Variants in GRIN3A observed in about 807,000 individuals in gnomAD.
GRIN3A encodes glutamate ionotropic receptor NMDA type subunit 3A, also known as glutamate receptor ionotropic, NMDA 3A.
A neutral mutation model predicts 92.4 loss-of-function variants in GRIN3A; 47 were observed. That is an observed-to-expected ratio of 0.51 (90% CI 0.40 to 0.65). The LOEUF is 0.65. GRIN3A is among the 30% of genes least tolerant of loss of function. GRIN3A has a pLI of 0.00. For synonymous variants in GRIN3A, 527 were observed against 540.6 expected, an observed-to-expected ratio of 0.97 and a Z score of 0.35; for missense variants, 1,324 against 1,393.1, an observed-to-expected ratio of 0.95 and a Z score of 0.79.
chr9:101,677,717 TATG>T (rs1374353626), intron 2 of GRIN3A, among the ~76,000 whole-genome samples: 3 of 152,260 alleles, frequency 2.0e-5, no homozygotes, highest in Non-Finnish European at 4.4e-5. Flanking sequence ...GCCTTCCTTT[TATG>T]ATAACATGAA....
At chr9:101,577,511 A>G (rs1025259394) in intron 8 of GRIN3A, among the ~76,000 whole-genome samples, 1 of 152,226 alleles carries the variant, frequency 6.6e-6, no homozygotes, top group African/African-American at 2.4e-5. Flanking sequence ...AAAGTAACAC[A>G]TATCATAAGT....
chr9:101,736,353 C>T lies in GRIN3A; in HGVS notation c.699+928G>A, dbSNP rs554334222. ...AAAGTAACATATAAAAGGCAGAAAA[C>T]TCATTACTAAATAAGGACTCTGTCT... On this transcript the variant is annotated intron_variant, in intron 1 of 8. Coordinates refer to ENST00000361820, the MANE Select transcript of GRIN3A (RefSeq NM_133445.3). Among the ~76,000 whole-genome samples the T allele has an allele frequency of 2.0e-5, 3 of 152,340 alleles. No individual in the cohort carries two copies. The South Asian group carries it at 6.2e-4, about 32-fold the overall frequency.
chr9:101,641,131 A>G (rs545216137), intron 3 of GRIN3A, among the ~76,000 whole-genome samples: 1 of 152,306 alleles, frequency 6.6e-6, no homozygotes, highest in East Asian at 1.9e-4. Flanking sequence ...TAAAAAGTTG[A>G]AACAACAGGT....
At chr9:101,587,529 G>A (rs886515754) in intron 6 of GRIN3A, among the ~76,000 whole-genome samples, 2 of 152,070 alleles carry the variant, frequency 1.3e-5, no homozygotes, top group Non-Finnish European at 2.9e-5. Flanking sequence ...GTCTCCAGCA[G>A]CCTAGTATAT....
chr9:101,723,216 G>A lies in GRIN3A; in HGVS notation c.699+14065C>T, dbSNP rs527939897. Among the ~76,000 whole-genome samples, 5 of 152,284 alleles carry A rather than the reference G, an allele frequency of 3.3e-5. No homozygotes were observed. In the South Asian group the frequency reaches 6.2e-4, roughly 19 times the overall value. On this transcript the variant is annotated intron_variant, in intron 1 of 8. Coordinates refer to ENST00000361820, the MANE Select transcript of GRIN3A (RefSeq NM_133445.3). ...TGAGTGTTACAGCTCTTAAGGTGGC[G>A]CGTCTGGAGTTTGTTCCTTCTGATG... is the stretch of plus-strand genomic sequence containing the variant.
Position 101,670,660 on chromosome 9 carries a change from C to G in GRIN3A, c.1752G>C (p.Leu584=), listed in dbSNP as rs753441886. Residue 584 remains leucine, a synonymous_variant, in exon 3 of 9, where the codon CTG becomes CTC. Coordinates refer to ENST00000361820, the MANE Select transcript of GRIN3A (RefSeq NM_133445.3). ...KCCYGYCIDL[L]EKIAEDMNFD... ...AGTTCATGTCTTCTGCTATCTTTTC[C>G]AGCAGATCAATGCAATATCCATAGC... is the stretch of plus-strand genomic sequence containing the variant. 1.2e-6 allele frequency: 2 copies of G among 1,613,862 alleles called. No individual in the cohort carries two copies. The highest frequency in any genetic ancestry group is 1.7e-6 in the Non-Finnish European group (2 of 1,179,820).
At chr9:101,614,707 C>T (rs1304451348) in intron 5 of GRIN3A, among the ~76,000 whole-genome samples, 1 of 143,516 alleles carries the variant, frequency 7.0e-6, no homozygotes, top group Non-Finnish European at 1.5e-5. Context: ...GCAACCTTGA[C>T]CTCCTGGGCT....
intron 6 of GRIN3A, among the ~76,000 whole-genome samples, chr9:101,582,675 G>A (rs1827903265): frequency 6.6e-6 from 1 of 152,190 alleles, no homozygotes; most frequent in Non-Finnish European, 1.5e-5. Flanking sequence ...AGGATTCAGT[G>A]AGTTATTGCT....
intron 3 of GRIN3A, among the ~76,000 whole-genome samples, chr9:101,630,423 C>T (rs1054232022): frequency 2.0e-5 from 3 of 152,260 alleles, no homozygotes; most frequent in Non-Finnish European, 2.9e-5. Flanking sequence ...TTTGACCTTT[C>T]CGTGCATTAT....
chr9:101,719,305 G>C (rs1180052094), intron 1 of GRIN3A, among the ~76,000 whole-genome samples: 1 of 151,958 alleles, frequency 6.6e-6, no homozygotes, highest in East Asian at 1.9e-4. Context: ...TGTAATTCCA[G>C]CTACTCAGGA....
At chr9:101,734,851 G>A (rs1462969407) in intron 1 of GRIN3A, among the ~76,000 whole-genome samples, 1 of 151,968 alleles carries the variant, frequency 6.6e-6, no homozygotes, top group Non-Finnish European at 1.5e-5. Context: ...CCTTTATTCA[G>A]GGAGTGGCAC....
chr9:101,736,608 C>T lies in GRIN3A; in HGVS notation c.699+673G>A, dbSNP rs942124351. On this transcript the variant is annotated intron_variant, in intron 1 of 8. Coordinates refer to ENST00000361820, the MANE Select transcript of GRIN3A (RefSeq NM_133445.3). ...AGGAAAGTAGGGACAAAGAAACAAT[C>T]CCCAAATAAATCTCCCCGTCCATCT... 2.3e-4 allele frequency among the ~76,000 whole-genome samples: 35 copies of T among 152,100 alleles called. 1 individual carries two copies. Among genetic ancestry groups the T allele is most frequent in the Non-Finnish European group, 4.1e-4 (28 of 68,042 alleles).
chr9:101,629,705 G>A (rs917187427), intron 3 of GRIN3A, among the ~76,000 whole-genome samples: 3 of 152,024 alleles, frequency 2.0e-5, no homozygotes, highest in Non-Finnish European at 4.4e-5. Flanking sequence ...CTTATTATGC[G>A]CCAAACAAGA....
At chr9:101,718,332 T>C (rs1243487499) in intron 1 of GRIN3A, among the ~76,000 whole-genome samples, 1 of 151,830 alleles carries the variant, frequency 6.6e-6, no homozygotes, top group Non-Finnish European at 1.5e-5. Flanking sequence ...GAGTGGCCAG[T>C]GTACCATGCA....
rs1829747330 is a variant in GRIN3A at position 101,701,157 on chromosome 9, T to C, written c.700-13957A>G. ...CAGGGAAATAAAGCTCAGATTACTA[T>C]GAATCTAAGTGAGGTGGGCCCAGAA... On this transcript the variant is annotated intron_variant, in intron 1 of 8. Coordinates refer to ENST00000361820, the MANE Select transcript of GRIN3A (RefSeq NM_133445.3). Among the ~76,000 whole-genome samples the C allele has an allele frequency of 2.0e-5, 3 of 152,178 alleles. No individual in the cohort carries two copies. In the South Asian group the frequency reaches 6.2e-4, roughly 32 times the overall value.
At chr9:101,632,158 G>A (rs574613605) in intron 3 of GRIN3A, among the ~76,000 whole-genome samples, 9 of 152,016 alleles carry the variant, frequency 5.9e-5, no homozygotes, top group African/African-American at 9.7e-5. Context: ...GTCTTCAGTC[G>A]GCCTGGGACA....
chr9:101,684,313 C>T (rs1829503478), intron 2 of GRIN3A, among the ~76,000 whole-genome samples: 1 of 124,564 alleles, frequency 8.0e-6, no homozygotes, highest in Non-Finnish European at 1.6e-5. Context: ...GGGGTTTCAC[C>T]ATATTGGCCA....
intron 1 of GRIN3A, among the ~76,000 whole-genome samples, chr9:101,702,913 C>T (rs1346238121): frequency 6.6e-6 from 1 of 152,136 alleles, no homozygotes; most frequent in African/African-American, 2.4e-5. Flanking sequence ...CTTGTCACTC[C>T]TTAATCCATC....
At chr9:101,654,136 T>G (rs1829051178) in intron 3 of GRIN3A, among the ~76,000 whole-genome samples, 1 of 151,736 alleles carries the variant, frequency 6.6e-6, no homozygotes, top group South Asian at 2.1e-4. Context: ...TTATCTGATT[T>G]TGTCATCTTA....
Sources: allele counts gnomAD v4.1 joint callset (sites outside exome capture counted in the v4.1 genomes callset), GRCh38; gene constraint gnomAD v4.1.1; transcripts MANE v1.5; gene names NCBI Gene and HGNC (gene_info 2026-07-23, HGNC 2026-07-21).